ZNF776: variants seen among roughly 807,000 people sequenced by gnomAD.
ZNF776 encodes the protein zinc finger protein 776.
In ZNF776, 4 loss-of-function variants were observed where a neutral mutation model predicts 7.0. That is an observed-to-expected ratio of 0.57 (90% CI 0.28 to 1.31). The LOEUF is 1.31. ZNF776 is among the 50% of genes most tolerant of loss of function. The pLI is 0.10. For missense variants in ZNF776, 555 were observed against 625.9 expected (o/e 0.89, Z 1.21); for synonymous variants, 212 against 213.7 (o/e 0.99, Z 0.07).
chr19:57,754,560 G>A lies in ZNF776; in HGVS notation c.1430G>A (p.Arg477Gln), dbSNP rs773147023. ...KCFHQKGSLI[R>Q]HQQIHSGERP... ...TTTCATCAAAAGGGCAGTCTCATTC[G>A]ACATCAGCAGATTCACTCTGGAGAA... Residue 477 changes from arginine to glutamine, a missense_variant, in exon 3 of 3, where the codon CGA becomes CAA. Transcript: ENST00000317178. 14 of 1,612,238 alleles carry A rather than the reference G, an allele frequency of 8.7e-6. No individual in the cohort carries two copies. The East Asian group carries it at 2.0e-4, about 23-fold the overall frequency.
At chr19:57,747,270 A>G (rs1233696602) in intron 1 of ZNF776, among the ~76,000 whole-genome samples, 179 bp downstream of exon 1, 2 of 152,160 alleles carry the variant, frequency 1.3e-5, no homozygotes, top group East Asian at 3.9e-4. Context: ...AGCTACAGGC[A>G]CAGGGAGCGG....
intron 1 of ZNF776, among the ~76,000 whole-genome samples, chr19:57,747,305 C>A (rs1986465752): frequency 1.3e-5 from 2 of 152,126 alleles, no homozygotes; most frequent in East Asian, 3.9e-4. Flanking sequence ...TGGAGATGAA[C>A]TGAGCCGAGA....
chr19:57,750,906 C>T lies in ZNF776; in HGVS notation c.155C>T (p.Ser52Phe), dbSNP rs1209702703. ...CTGGAGAACCTGACACTTATATCTT[C>T]TCTAGGTAAGGCACTCACACTCTTC... is the stretch of plus-strand genomic sequence containing the variant. Reference protein sequence around the residue: ...VMLENLTLISSLGCWYGAKDE... With the variant: ...VMLENLTLISFLGCWYGAKDE... The change falls in exon 2 of 3, where the codon TCT becomes TTT. Residue 52 changes from serine (S) to phenylalanine (F), a missense_variant. Coordinates refer to ENST00000317178, the MANE Select transcript of ZNF776 (RefSeq NM_173632.4). 2 of 1,608,626 alleles carry T rather than the reference C, an allele frequency of 1.2e-6. No individual in the cohort carries two copies. The highest frequency in any genetic ancestry group is 1.7e-6 in the Non-Finnish European group (2 of 1,176,990).
At position 57,754,958 on chromosome 19, in the gene ZNF776, C is replaced by T; in HGVS notation, c.*271C>T. ...ATGGGGAATTTGGGAAATTACCTAA[C>T]AAGAAGTCCCACCTCACTGAACACT... On this transcript the variant is annotated 3_prime_UTR_variant, in exon 3 of 3. Transcript: ENST00000317178. 9.2e-6 allele frequency: 4 copies of T among 434,084 alleles called. No individual in the cohort carries two copies. The highest frequency in any genetic ancestry group is 1.7e-5 in the Non-Finnish European group (4 of 239,250). The allele number at this position is 434,084 out of a possible 1,614,324, so 26.9% of individuals were successfully genotyped here. A position where few individuals can be genotyped will look rare whatever the true frequency, so the allele number is the denominator to read the frequency against.
rs536281353 is a variant in ZNF776 at position 57,757,306 on chromosome 19, A to T, written c.*2619A>T. On this transcript the variant is annotated 3_prime_UTR_variant, in exon 3 of 3. Transcript: ENST00000317178. ...ACCTCCATAATTATGAATCTAGTGTAGCTTAGGTCATTGTCAGACTAAATC... is the reference window on the plus strand; with the variant it reads ...ACCTCCATAATTATGAATCTAGTGTTGCTTAGGTCATTGTCAGACTAAATC... 3.5e-4 allele frequency: 54 copies of T among 153,494 alleles called. No individual in the cohort carries two copies. Among genetic ancestry groups the T allele is most frequent in the Non-Finnish European group, 6.4e-4 (44 of 68,822 alleles). 9.5% of individuals were successfully genotyped at this position (153,494 alleles called of 1,614,324 possible).
rs1420607144 is a variant in ZNF776 at position 57,757,078 on chromosome 19, C to G, written c.*2391C>G. Reference sequence around the variant, plus strand: ...GTTCAACTCCTGGCCTCAAGTAATCCTCTAGCATACGCCCTTGAAAGCACT... The same window carrying G: ...GTTCAACTCCTGGCCTCAAGTAATCGTCTAGCATACGCCCTTGAAAGCACT... On this transcript the variant is annotated 3_prime_UTR_variant, in exon 3 of 3. Transcript: ENST00000317178. 2 of 257,652 alleles carry G rather than the reference C, an allele frequency of 7.8e-6. No individual in the cohort carries two copies. Among genetic ancestry groups the G allele is most frequent in the Admixed American group, 5.0e-5 (1 of 20,198 alleles). The allele number at this position is 257,652 out of a possible 1,614,324, so 16.0% of individuals were successfully genotyped here.
chr19:57,749,210 T>A (rs142402265), intron 1 of ZNF776: 12,396 of 152,280 alleles, frequency 0.081, 1,353 homozygotes, highest in African/African-American at 0.25. Flanking sequence ...GACCTCATGA[T>A]CCACCTGCCT....
Position 57,754,050 on chromosome 19 carries a change from T to G in ZNF776, c.920T>G (p.Leu307Arg). The change falls in exon 3 of 3, where the codon CTT (leucine) becomes CGT (arginine). Residue 307 changes from leucine (L) to arginine (R), a missense_variant. Coordinates refer to ENST00000317178, the MANE Select transcript of ZNF776 (RefSeq NM_173632.4). ...CDKSFSHKHS[L>R]VDHQRVHTGE... ...AAATCTTTTAGTCATAAGCACAGTC[T>G]TGTTGACCATCAGCGAGTTCACACT... The G allele has an allele frequency of 1.2e-6, 2 of 1,614,040 alleles. No individual in the cohort carries two copies. The highest frequency in any genetic ancestry group is 1.7e-6 in the Non-Finnish European group (2 of 1,180,016).
At position 57,754,646 on chromosome 19, in the gene ZNF776, C is replaced by T; in HGVS notation, c.1516C>T (p.His506Tyr). 6.2e-7 allele frequency: 1 copy of T among 1,613,506 alleles called. No individual in the cohort carries two copies. The highest frequency in any genetic ancestry group is 8.5e-7 in the Non-Finnish European group (1 of 1,179,416). ...TCGTCAAAAGGGAAACCTCATTAAA[C>T]ATCAACGAGTTCACACGGGAGAAAG... is the stretch of plus-strand genomic sequence containing the variant. ...CFRQKGNLIK[H>Y]QRVHTGERHH... Residue 506 changes from histidine to tyrosine, a missense_variant, in exon 3 of 3, where the codon CAT (histidine) becomes TAT (tyrosine). Transcript: ENST00000317178.
intron 2 of ZNF776, 80 bp from the exon 3 acceptor site, chr19:57,753,211 G>A: frequency 7.5e-7 from 1 of 1,327,472 alleles, no homozygotes; most frequent in South Asian, 1.4e-5. Context: ...GTACAACAAA[G>A]CAGCTGTTGA....
In ZNF776 at chr19:57,747,002, C is replaced by T; in HGVS notation, c.-57C>T. The T allele has an allele frequency of 6.6e-7, 1 of 1,507,950 alleles. No individual in the cohort carries two copies. The highest frequency in any genetic ancestry group is 8.9e-7 in the Non-Finnish European group (1 of 1,117,694). The allele number at this position is 1,507,950 out of a possible 1,614,324, so 93.4% of individuals were successfully genotyped here. A position where few individuals can be genotyped will look rare whatever the true frequency, so the allele number is the denominator to read the frequency against. ...AAGGCCGGGATCGGGACCACCGTGCCCGGGTACCTGCACTGCTCGCCCCCT... is the reference window on the plus strand; with the variant it reads ...AAGGCCGGGATCGGGACCACCGTGCTCGGGTACCTGCACTGCTCGCCCCCT... On this transcript the variant is annotated 5_prime_UTR_variant, in exon 1 of 3. Coordinates refer to ENST00000317178, the MANE Select transcript of ZNF776 (RefSeq NM_173632.4).
chr19:57,750,019 G>A (rs1986553422), intron 1 of ZNF776, among the ~76,000 whole-genome samples: 2 of 152,178 alleles, frequency 1.3e-5, no homozygotes, highest in Admixed American at 1.3e-4. Flanking sequence ...CTTACTGGTA[G>A]AAGGAAGAAG....
At chr19:57,751,505 G>A (rs1243285190) in intron 2 of ZNF776, among the ~76,000 whole-genome samples, 1 of 151,984 alleles carries the variant, frequency 6.6e-6, no homozygotes, top group Non-Finnish European at 1.5e-5. Context: ...CGGACTAGAG[G>A]CTTCTGCCAT....
In ZNF776 at chr19:57,754,210, GT is replaced by G. The variant is rs763631847; in HGVS notation, c.1081del (p.Cys361AlafsTer31). 117 of 1,613,994 alleles carry G rather than the reference GT, an allele frequency of 7.2e-5. No homozygotes were observed. The highest frequency in any genetic ancestry group is 1.3e-5 in the Non-Finnish European group (15 of 1,180,002). On this transcript the variant is annotated frameshift_variant, in exon 3 of 3. Coordinates refer to ENST00000317178, the MANE Select transcript of ZNF776 (RefSeq NM_173632.4). LOFTEE classifies it low-confidence loss of function (END_TRUNC). ...AATGTGGGAAATCGTTTAATCACAAGTGCAACCTCATTCAGCATCAGCGAGT... is the reference window on the plus strand; with the variant it reads ...AATGTGGGAAATCGTTTAATCACAAGGCAACCTCATTCAGCATCAGCGAGT... Reference protein sequence around the residue: ...GECGKSFNHKCNLIQHQRVHT... With the variant: ...GECGKSFNHKXNLIQHQRVHT...
intron 1 of ZNF776, chr19:57,749,365 C>T (rs1986537121): frequency 6.6e-6 from 1 of 152,134 alleles, no homozygotes; most frequent in Non-Finnish European, 1.5e-5. Flanking sequence ...GGAATAAGAC[C>T]ATGGATATCT....
In ZNF776 at chr19:57,753,275, A is replaced by G; in HGVS notation, c.161-16A>G. ...CGGAAGTACCTTGCATTTTACCAGCATTTTATTTCTTTTAGGTTGTTGGTA... is the reference window on the plus strand; with the variant it reads ...CGGAAGTACCTTGCATTTTACCAGCGTTTTATTTCTTTTAGGTTGTTGGTA... On this transcript the variant is annotated splice_polypyrimidine_tract_variant and intron_variant, in intron 2 of 2. Transcript: ENST00000317178. 1 of 1,597,096 alleles carries G rather than the reference A, an allele frequency of 6.3e-7. No homozygotes were observed. Among genetic ancestry groups the G allele is most frequent in the Non-Finnish European group, 8.5e-7 (1 of 1,171,196 alleles).
chr19:57,751,039 G>A (rs1189657699), intron 2 of ZNF776, 128 bp downstream of exon 2: 23 of 1,177,082 alleles, frequency 2.0e-5, no homozygotes, highest in Non-Finnish European at 2.5e-5. Flanking sequence ...AGTTCCCTGG[G>A]TAGGTTCTAT....
At chr19:57,747,662 C>A (rs773791639) in intron 1 of ZNF776, among the ~76,000 whole-genome samples, 1 of 152,086 alleles carries the variant, frequency 6.6e-6, no homozygotes, top group Non-Finnish European at 1.5e-5. Context: ...TTCAGGGAGG[C>A]CTGAGCTTAT....
rs148832270 is a variant in ZNF776 at position 57,756,761 on chromosome 19, C to T, written c.*2074C>T. ...AGTACTGGTGAGGGAAATCTGTTCT[C>T]AAGTCCTACAGTGCATTCATGTGTC... On this transcript the variant is annotated 3_prime_UTR_variant, in exon 3 of 3. Coordinates refer to ENST00000317178, the MANE Select transcript of ZNF776 (RefSeq NM_173632.4). 8.3e-4 allele frequency: 302 copies of T among 365,018 alleles called. No homozygotes were observed. Among genetic ancestry groups the T allele is most frequent in the East Asian group, 2.3e-3 (29 of 12,354 alleles). The allele number at this position is 365,018 out of a possible 1,614,324, so 22.6% of individuals were successfully genotyped here.
Sources: gnomAD v4.1 joint callset for allele counts (sites outside exome capture counted in the v4.1 genomes callset) on GRCh38, gnomAD v4.1.1 for gene constraint, MANE v1.5 for transcripts, NCBI Gene and HGNC (gene_info 2026-07-23, HGNC 2026-07-21) for gene names.